FOXN2: variants seen among roughly 807,000 people sequenced by gnomAD.
The protein encoded by FOXN2 is forkhead box N2, also known as forkhead box protein N2.
Under a neutral mutation model 41.2 loss-of-function variants are expected in FOXN2, and 19 were observed. The observed-to-expected ratio is 0.46, with a 90% confidence interval of 0.32 to 0.68. The LOEUF (loss-of-function observed/expected upper bound fraction) is 0.68. FOXN2 is among the 30% of genes least tolerant of loss of function. FOXN2 has a pLI of 0.03. For synonymous variants in FOXN2, 195 were observed against 176.8 expected, an observed-to-expected ratio of 1.10 and a Z score of -0.82; for missense variants, 587 against 509.4, an observed-to-expected ratio of 1.15 and a Z score of -1.47.
At chr2:48,373,001 T>G (rs900025456) in intron 5 of FOXN2, among the ~76,000 whole-genome samples, 1 of 151,872 alleles carries the variant, frequency 6.6e-6, no homozygotes. Flanking sequence ...TGAAATACAG[T>G]TTAAGTTTTC....
intron 1 of FOXN2, among the ~76,000 whole-genome samples, chr2:48,322,538 CT>C (rs906853544): frequency 5.3e-5 from 8 of 152,144 alleles, no homozygotes; most frequent in South Asian, 2.1e-4. Context: ...CTCCCCCCTC[CT>C]TTTTTTCTTT....
intron 2 of FOXN2, among the ~76,000 whole-genome samples, chr2:48,341,775 G>C (rs1670790402): frequency 6.6e-6 from 1 of 152,162 alleles, no homozygotes; most frequent in African/African-American, 2.4e-5. Flanking sequence ...AGCCTATTTC[G>C]GGTTCAGCTG....
chr2:48,349,054 A>G lies in FOXN2; in HGVS notation c.537+2303A>G, dbSNP rs559436087. Among the ~76,000 whole-genome samples, 4 of 152,336 alleles carry G rather than the reference A, an allele frequency of 2.6e-5. No individual in the cohort carries two copies. The South Asian group carries it at 8.3e-4, about 32-fold the overall frequency. On this transcript the variant is annotated intron_variant, in intron 3 of 6. Coordinates refer to ENST00000340553, the MANE Select transcript of FOXN2 (RefSeq NM_002158.4). ...TCCCCCAGGAGCAGACAGTCTCTCC[A>G]TCTACTCAATATAGAGTCTAGAGCT...
chr2:48,318,633 TTCATG>T (rs1669089705), intron 1 of FOXN2, among the ~76,000 whole-genome samples: 1 of 152,214 alleles, frequency 6.6e-6, no homozygotes, highest in Admixed American at 6.5e-5. Flanking sequence ...CTAATTTTGA[TTCATG>T]TATTTGTAAT....
intron 5 of FOXN2, among the ~76,000 whole-genome samples, chr2:48,364,852 G>A (rs1182478652): frequency 6.6e-6 from 1 of 152,230 alleles, no homozygotes; most frequent in Non-Finnish European, 1.5e-5. Context: ...CTCTTAGCAT[G>A]CAAAGCCTAA....
chr2:48,320,895 GTAT>G (rs562503138), intron 1 of FOXN2, among the ~76,000 whole-genome samples: 25 of 152,236 alleles, frequency 1.6e-4, no homozygotes, highest in African/African-American at 5.8e-4. Context: ...TAAGTAAGTG[GTAT>G]TATTTCCTGG....
At chr2:48,362,941 G>T (rs185952012) in intron 5 of FOXN2, among the ~76,000 whole-genome samples, 21 of 152,270 alleles carry the variant, frequency 1.4e-4, no homozygotes, top group African/African-American at 4.6e-4. Context: ...ATAGCACGTA[G>T]TTATGTACAT....
At chr2:48,327,425 A>G (rs1036545501) in intron 1 of FOXN2, among the ~76,000 whole-genome samples, 1 of 151,628 alleles carries the variant, frequency 6.6e-6, no homozygotes, top group African/African-American at 2.4e-5. Flanking sequence ...AGAAAGTATT[A>G]CTTTCTAAAA....
At chr2:48,318,378 T>C (rs769197567) in intron 1 of FOXN2, among the ~76,000 whole-genome samples, 7 of 152,238 alleles carry the variant, frequency 4.6e-5, no homozygotes, top group South Asian at 2.1e-4. Context: ...TTGAGATTTA[T>C]CTGGTATTTT....
intron 5 of FOXN2, among the ~76,000 whole-genome samples, chr2:48,367,062 T>C (rs957170341): frequency 2.6e-5 from 4 of 152,208 alleles, no homozygotes; most frequent in Admixed American, 6.5e-5. Flanking sequence ...GAAACTGTTA[T>C]CAGCCTAAAC....
At chr2:48,333,159 G>C (rs1279339410) in intron 2 of FOXN2, among the ~76,000 whole-genome samples, 1 of 152,010 alleles carries the variant, frequency 6.6e-6, no homozygotes, top group Non-Finnish European at 1.5e-5. Context: ...TAGACTCTAA[G>C]CATGACAACA....
At position 48,328,719 on chromosome 2, in the gene FOXN2, C is replaced by A. The variant is rs1669840553; in HGVS notation, c.-15+17C>A. 1 of 151,996 alleles carries A rather than the reference C, an allele frequency of 6.6e-6. No homozygotes were observed. Among genetic ancestry groups the A allele is most frequent in the Non-Finnish European group, 1.5e-5 (1 of 67,984 alleles). 9.4% of individuals were successfully genotyped at this position (151,996 alleles called of 1,614,324 possible). ...TTCTAGATGGTAAGTATATTTTTCT[C>A]CTTTAATTATTATTTTTGCTCTTTG... On this transcript the variant is annotated intron_variant, in intron 2 of 6. Transcript: ENST00000340553.
At chr2:48,338,398 A>ATT (rs199837642) in intron 2 of FOXN2, among the ~76,000 whole-genome samples, 412 of 148,316 alleles carry the variant, frequency 2.8e-3, no homozygotes, top group Non-Finnish European at 4.0e-3. Context: ...GAAGGATGCC[A>ATT]TTTTTTTTTT....
At chr2:48,314,182 T>G (rs1572679173), upstream of FOXN2, among the ~76,000 whole-genome samples, 2 of 152,280 alleles carry the variant, frequency 1.3e-5, no homozygotes, top group East Asian at 3.9e-4. Flanking sequence ...TAACGTGGGG[T>G]GTCGAGGAAG....
chr2:48,349,605 C>G (rs1276395706), intron 3 of FOXN2, among the ~76,000 whole-genome samples: 1 of 152,158 alleles, frequency 6.6e-6, no homozygotes, highest in Non-Finnish European at 1.5e-5. Flanking sequence ...GAAGCCCTGT[C>G]TCTACGAAAA....
chr2:48,314,188 G>A (rs1011812192), upstream of FOXN2, among the ~76,000 whole-genome samples: 11 of 152,256 alleles, frequency 7.2e-5, no homozygotes, highest in South Asian at 1.9e-3. Context: ...GGGGTGTCGA[G>A]GAAGGTCTCC....
chr2:48,365,164 G>A (rs1191593490), intron 5 of FOXN2, among the ~76,000 whole-genome samples: 1 of 152,008 alleles, frequency 6.6e-6, no homozygotes, highest in Non-Finnish European at 1.5e-5. Flanking sequence ...TTGGCTCTTT[G>A]GAACTATACT....
intron 5 of FOXN2, 148 bp from the exon 6 acceptor site, chr2:48,373,144 A>C: frequency 1.8e-6 from 1 of 547,676 alleles, no homozygotes; most frequent in Non-Finnish European, 3.2e-6. Context: ...AATAATATAT[A>C]ATATCTCATT....
chr2:48,348,353 T>A (rs963872285), intron 3 of FOXN2, among the ~76,000 whole-genome samples: 4 of 152,216 alleles, frequency 2.6e-5, no homozygotes, highest in Non-Finnish European at 5.9e-5. Flanking sequence ...TTCATGTTTT[T>A]AATTTCTAAT....
Sources: gnomAD v4.1 joint callset for allele counts (sites outside exome capture counted in the v4.1 genomes callset) on GRCh38, gnomAD v4.1.1 for gene constraint, MANE v1.5 for transcripts, NCBI Gene and HGNC (gene_info 2026-07-23, HGNC 2026-07-21) for gene names.